The following NPSR1 variants were observed in gnomAD, a reference collection of about 807,000 sequenced individuals.
NPSR1 encodes neuropeptide S receptor 1, also known as neuropeptide S receptor.
NPSR1 carries 48 observed loss-of-function variants against 46.9 expected under a neutral mutation model. That is an observed-to-expected ratio of 1.02 (90% CI 0.81 to 1.30). The LOEUF (loss-of-function observed/expected upper bound fraction) is 1.30. NPSR1 is among the 50% of genes most tolerant of loss of function. The pLI, the probability that NPSR1 is intolerant of heterozygous loss-of-function variation, is 0.00. For missense variants in NPSR1, 450 were observed against 449.5 expected, an observed-to-expected ratio of 1.00 and a Z score of -0.01; for synonymous variants, 176 against 168.1, an observed-to-expected ratio of 1.05 and a Z score of -0.36.
intron 2 of NPSR1, among the ~76,000 whole-genome samples, chr7:34,745,494 G>T (rs1785156037): frequency 6.6e-6 from 1 of 151,892 alleles, no homozygotes; most frequent in African/African-American, 2.4e-5. Context: ...GCAATTTTCT[G>T]CTTAATTTCT....
chr7:34,777,484 G>GT lies in NPSR1; in HGVS notation c.281-964dup, dbSNP rs200082736. 6.7e-3 allele frequency among the ~76,000 whole-genome samples: 944 copies of GT among 140,830 alleles called. 3 individuals are homozygous for GT. The highest frequency in any genetic ancestry group is 0.014 in the African/African-American group (545 of 38,356). The allele number at this position is 140,830 out of a possible 152,430, so 92.4% of individuals were successfully genotyped here. A position where few individuals can be genotyped will look rare whatever the true frequency, so the allele number is the denominator to read the frequency against. ...GGGGTGGCGTCAGAGATTTAAAACT[G>GT]TTTTTTTTTTTTTTCTACTTCTTCA... is the stretch of plus-strand genomic sequence containing the variant. On this transcript the variant is annotated intron_variant, in intron 2 of 8. Transcript: ENST00000360581.
chr7:34,677,502 A>G (rs1199076572), intron 1 of NPSR1, among the ~76,000 whole-genome samples: 3 of 152,232 alleles, frequency 2.0e-5, no homozygotes, highest in Non-Finnish European at 4.4e-5. Flanking sequence ...ATTCTCATCC[A>G]AAAGGCTATC....
chr7:34,844,220 T>G (rs1207067173), intron 6 of NPSR1, among the ~76,000 whole-genome samples: 1 of 152,252 alleles, frequency 6.6e-6, no homozygotes, highest in African/African-American at 2.4e-5. Context: ...TGAGACGTGG[T>G]TATTGATTCA....
downstream of NPSR1, among the ~76,000 whole-genome samples, chr7:34,854,365 G>A (rs1276528114): frequency 6.6e-6 from 1 of 152,086 alleles, no homozygotes; most frequent in Non-Finnish European, 1.5e-5. Flanking sequence ...AATAATCAAA[G>A]ACTATCAGAC....
At chr7:34,658,655 A>G in intron 1 of NPSR1, 96 bp downstream of exon 1, 1 of 1,201,332 alleles carries the variant, frequency 8.3e-7, no homozygotes, top group Non-Finnish European at 1.2e-6. Flanking sequence ...CAGTATTGTG[A>G]ATGAGTGTTA....
At chr7:34,693,682 A>G (rs148278458) in intron 2 of NPSR1, among the ~76,000 whole-genome samples, 2,572 of 152,320 alleles carry the variant, frequency 0.017, 34 homozygotes, top group Non-Finnish European at 0.029. Context: ...CAAGGACACA[A>G]CAACAACAAT....
intron 3 of NPSR1, among the ~76,000 whole-genome samples, chr7:34,807,029 C>T (rs1346403632): frequency 6.6e-6 from 1 of 152,098 alleles, no homozygotes; most frequent in Non-Finnish European, 1.5e-5. Flanking sequence ...ATCTGTTCTC[C>T]AAATGGTATC....
At chr7:34,673,779 A>T (rs146582528) in intron 1 of NPSR1, among the ~76,000 whole-genome samples, 1 of 152,362 alleles carries the variant, frequency 6.6e-6, no homozygotes, top group East Asian at 1.9e-4. Context: ...ATTTATATGT[A>T]GCTGTATACA....
chr7:34,685,107 T>C (rs1186304860), intron 2 of NPSR1, among the ~76,000 whole-genome samples: 1 of 152,228 alleles, frequency 6.6e-6, no homozygotes, highest in African/African-American at 2.4e-5. Context: ...GATTAAAGCC[T>C]GTGGACATTG....
At chr7:34,670,371 T>A (rs542524303) in intron 1 of NPSR1, among the ~76,000 whole-genome samples, 4 of 152,118 alleles carry the variant, frequency 2.6e-5, no homozygotes, top group African/African-American at 9.6e-5. Flanking sequence ...AAAAAGGAAC[T>A]AGTATTTTTG....
At chr7:34,706,218 T>A (rs1306210074) in intron 2 of NPSR1, among the ~76,000 whole-genome samples, 1 of 152,072 alleles carries the variant, frequency 6.6e-6, no homozygotes, top group Admixed American at 6.5e-5. Context: ...GTTATGTCTA[T>A]TTTTTGGTCG....
At chr7:34,838,091 C>T (rs1790436324) in intron 6 of NPSR1, among the ~76,000 whole-genome samples, 1 of 152,152 alleles carries the variant, frequency 6.6e-6, no homozygotes, top group Admixed American at 6.5e-5. Flanking sequence ...CCTGTTCCCT[C>T]CACAGCAGCA....
At chr7:34,824,989 G>C (rs925717839) in intron 4 of NPSR1, among the ~76,000 whole-genome samples, 2 of 151,894 alleles carry the variant, frequency 1.3e-5, no homozygotes, top group African/African-American at 2.4e-5. Flanking sequence ...TTCCTTTAGG[G>C]ACCAGCTCCC....
intron 3 of NPSR1, among the ~76,000 whole-genome samples, chr7:34,796,244 T>C (rs1369920191): frequency 6.6e-6 from 1 of 151,760 alleles, no homozygotes; most frequent in African/African-American, 2.4e-5. Context: ...AAAACGAACA[T>C]AAAAGAAAAC....
intron 5 of NPSR1, among the ~76,000 whole-genome samples, chr7:34,829,664 T>C (rs1357470525): frequency 1.3e-5 from 2 of 152,170 alleles, no homozygotes; most frequent in East Asian, 1.9e-4. Flanking sequence ...GCAGCTCAGG[T>C]TATCCTGTAT....
intron 8 of NPSR1, among the ~76,000 whole-genome samples, chr7:34,860,875 C>T (rs1441668087): frequency 2.0e-5 from 3 of 151,874 alleles, no homozygotes; most frequent in Non-Finnish European, 4.4e-5. Context: ...AGTTTTGGAC[C>T]ATGCTTTGGA....
At chr7:34,777,777 C>T (rs188859760) in intron 2 of NPSR1, among the ~76,000 whole-genome samples, 67 of 152,218 alleles carry the variant, frequency 4.4e-4, no homozygotes, top group African/African-American at 1.6e-3. Context: ...GCCTATCTTG[C>T]CATTTCTGCT....
At chr7:34,683,301 G>A (rs545623156) in intron 1 of NPSR1, among the ~76,000 whole-genome samples, 2 of 151,920 alleles carry the variant, frequency 1.3e-5, no homozygotes, top group African/African-American at 4.8e-5. Context: ...AAAAAAATTC[G>A]CCGGGCGTGG....
At chr7:34,840,579 C>G (rs912966314) in intron 6 of NPSR1, among the ~76,000 whole-genome samples, 1 of 152,162 alleles carries the variant, frequency 6.6e-6, no homozygotes, top group Admixed American at 6.5e-5. Context: ...AGGGACAGAA[C>G]TGAGGCCCTG....
Sources: gnomAD v4.1 joint callset for allele counts (sites outside exome capture counted in the v4.1 genomes callset) on GRCh38, gnomAD v4.1.1 for gene constraint, MANE v1.5 for transcripts, NCBI Gene and HGNC (gene_info 2026-07-23, HGNC 2026-07-21) for gene names.